SCHIP1: variants seen among roughly 807,000 people sequenced by gnomAD.
SCHIP1 encodes the protein schwannomin interacting protein 1.
Under a neutral mutation model 29.7 loss-of-function variants are expected in SCHIP1, and 8 were observed. The ratio of observed to expected loss-of-function variants is 0.27; its 90% CI spans 0.16 to 0.49. The LOEUF (loss-of-function observed/expected upper bound fraction) is 0.49, where lower values mean the gene tolerates loss of function less well. SCHIP1 is among the 20% of genes least tolerant of loss of function. The pLI, the probability that SCHIP1 is intolerant of heterozygous loss-of-function variation, is 0.99. For missense variants in SCHIP1, 193 were observed against 294.6 expected (o/e 0.66, Z 2.52); for synonymous variants, 76 against 94.9 (o/e 0.80, Z 1.16).
At chr3:159,322,483 T>C in the SCHIP1 span, among the ~76,000 whole-genome samples, 3 of 152,080 alleles carry the variant, frequency 2.0e-5, no homozygotes, top group Non-Finnish European at 4.4e-5. Flanking sequence ...ATCCTCCACT[T>C]CACCACCCAC....
chr3:159,274,103 A>C, the SCHIP1 span: 4 of 985,182 alleles, frequency 4.1e-6, no homozygotes, highest in African/African-American at 5.2e-5. Context: ...GGTGCTTTGA[A>C]TTTTGAGAAT....
At chr3:159,414,027 T>C in the SCHIP1 span, among the ~76,000 whole-genome samples, 1 of 152,206 alleles carries the variant, frequency 6.6e-6, no homozygotes, top group Non-Finnish European at 1.5e-5. Context: ...AGAGCAATCT[T>C]GGTCAGATAA....
chr3:159,716,803 C>T, the SCHIP1 span, among the ~76,000 whole-genome samples: 1 of 152,132 alleles, frequency 6.6e-6, no homozygotes, highest in Non-Finnish European at 1.5e-5. Context: ...GACTTTAACA[C>T]CCCACTGTCA....
the SCHIP1 span, among the ~76,000 whole-genome samples, chr3:159,426,393 A>C: frequency 6.6e-6 from 1 of 152,228 alleles, no homozygotes; most frequent in South Asian, 2.1e-4. Context: ...CCATCAGAGA[A>C]TACTACAAAC....
chr3:159,450,291 G>A, the SCHIP1 span, among the ~76,000 whole-genome samples: 4 of 152,174 alleles, frequency 2.6e-5, no homozygotes, highest in African/African-American at 9.7e-5. Flanking sequence ...AAAATGAACA[G>A]CATTTCATCC....
At chr3:159,420,558 T>G in the SCHIP1 span, among the ~76,000 whole-genome samples, 2 of 152,208 alleles carry the variant, frequency 1.3e-5, no homozygotes, top group African/African-American at 4.8e-5. Flanking sequence ...TGTGGATGAT[T>G]GCCATTTAGG....
At chr3:159,810,139 G>A in the SCHIP1 span, among the ~76,000 whole-genome samples, 7 of 152,138 alleles carry the variant, frequency 4.6e-5, no homozygotes, top group East Asian at 1.9e-4. Context: ...TCCGCCTCCC[G>A]GGTTCAAGTG....
chr3:159,842,997 C>CTT lies in SCHIP1; in HGVS notation c.30+2785_30+2786dup, dbSNP rs1440922016. ...GCTCTCCAGTTCTATCCCAATATTT[C>CTT]TTTCTTTTTTTTTTTTTTTTTTTTT... On this transcript the variant is annotated intron_variant, in intron 1 of 6. Coordinates refer to ENST00000445224, the Ensembl canonical transcript of SCHIP1. Among the ~76,000 whole-genome samples, 320 of 61,746 alleles carry CTT rather than the reference C, an allele frequency of 5.2e-3. 50 individuals are homozygous for CTT. Among genetic ancestry groups the CTT allele is most frequent in the Middle Eastern group, 0.01 (1 of 98 alleles). The allele number at this position is 61,746 out of a possible 152,430, so 40.5% of individuals were successfully genotyped here. A position where few individuals can be genotyped will look rare whatever the true frequency, so the allele number is the denominator to read the frequency against.
chr3:159,637,979 C>T, the SCHIP1 span, among the ~76,000 whole-genome samples: 1 of 152,248 alleles, frequency 6.6e-6, no homozygotes, highest in Admixed American at 6.5e-5. Context: ...ACAATGTGAA[C>T]TCTTCAAAAT....
the SCHIP1 span, among the ~76,000 whole-genome samples, chr3:159,505,741 G>A: frequency 6.6e-6 from 1 of 152,072 alleles, no homozygotes; most frequent in African/African-American, 2.4e-5. Context: ...TAGTCCTTGC[G>A]ATAGTTTGCT....
the SCHIP1 span, among the ~76,000 whole-genome samples, chr3:159,587,014 C>T: frequency 1.3e-5 from 2 of 152,158 alleles, no homozygotes; most frequent in African/African-American, 2.4e-5. Flanking sequence ...TAAAACTGCA[C>T]GTGCTGTTTG....
chr3:159,494,886 C>G, the SCHIP1 span, among the ~76,000 whole-genome samples: 24 of 152,270 alleles, frequency 1.6e-4, no homozygotes, highest in South Asian at 4.1e-4. Context: ...AATCCAGCAA[C>G]ACATCAAAAA....
chr3:159,432,686 G>A, the SCHIP1 span, among the ~76,000 whole-genome samples: 2 of 152,142 alleles, frequency 1.3e-5, no homozygotes, highest in Non-Finnish European at 2.9e-5. Flanking sequence ...ATAATGAAGT[G>A]TATATATAGT....
chr3:159,350,385 AAG>A, the SCHIP1 span, among the ~76,000 whole-genome samples: 1 of 152,192 alleles, frequency 6.6e-6, no homozygotes, highest in Non-Finnish European at 1.5e-5. Flanking sequence ...TGCAAAAAAT[AAG>A]AGATTGTATA....
chr3:159,454,199 A>G, the SCHIP1 span, among the ~76,000 whole-genome samples: 1 of 152,210 alleles, frequency 6.6e-6, no homozygotes, highest in African/African-American at 2.4e-5. Context: ...TATCCCCCGA[A>G]GATTCTGATA....
At chr3:159,404,170 G>A in the SCHIP1 span, among the ~76,000 whole-genome samples, 1 of 152,142 alleles carries the variant, frequency 6.6e-6, no homozygotes, top group Non-Finnish European at 1.5e-5. Context: ...AAGATTCAGA[G>A]ATGTGCTGGC....
At chr3:159,352,479 A>C in the SCHIP1 span, among the ~76,000 whole-genome samples, 48 of 152,346 alleles carry the variant, frequency 3.2e-4, no homozygotes, top group African/African-American at 1.1e-3. Context: ...CATCTTGCAT[A>C]ACTATATCAC....
the SCHIP1 span, among the ~76,000 whole-genome samples, chr3:159,394,025 T>C: frequency 6.6e-6 from 1 of 152,034 alleles, no homozygotes; most frequent in African/African-American, 2.4e-5. Flanking sequence ...GAAGATGTCC[T>C]TCACATCCCT....
chr3:159,751,969 G>A, the SCHIP1 span, among the ~76,000 whole-genome samples: 2 of 152,038 alleles, frequency 1.3e-5, no homozygotes, highest in Non-Finnish European at 2.9e-5. Context: ...ATCCCCTCAG[G>A]GCTATTCTCG....
Sources: gnomAD v4.1 joint callset for allele counts (sites outside exome capture counted in the v4.1 genomes callset) on GRCh38, gnomAD v4.1.1 for gene constraint, MANE v1.5 for transcripts, NCBI Gene and HGNC (gene_info 2026-07-23, HGNC 2026-07-21) for gene names.